The following ZBTB40 variants were observed in gnomAD, a reference collection of about 807,000 sequenced individuals.
ZBTB40 encodes the protein zinc finger and BTB domain-containing protein 40.
In ZBTB40, 60 loss-of-function variants were observed where a neutral mutation model predicts 117.5. The observed-to-expected ratio is 0.51, with a 90% confidence interval of 0.41 to 0.63. The LOEUF (loss-of-function observed/expected upper bound fraction) is 0.63. ZBTB40 is among the 30% of genes least tolerant of loss of function. ZBTB40 has a pLI of 0.00. For synonymous variants in ZBTB40, 525 were observed against 577.1 expected (o/e 0.91, Z 1.29); for missense variants, 1,287 against 1,498.5 (o/e 0.86, Z 2.33).
At chr1:22,515,090 C>G (rs966806124) in intron 12 of ZBTB40, among the ~76,000 whole-genome samples, 1 of 152,120 alleles carries the variant, frequency 6.6e-6, no homozygotes, top group Middle Eastern at 3.2e-3. Context: ...TCAGAGAAGG[C>G]CTCTGCAAGA....
intron 5 of ZBTB40, among the ~76,000 whole-genome samples, chr1:22,502,733 GGATGGACC>G (rs978088659): frequency 6.6e-6 from 1 of 152,048 alleles, no homozygotes; most frequent in African/African-American, 2.4e-5. Context: ...ACGGACGGAC[GGATGGACC>G]GATGGACAGA....
chr1:22,431,867 A>C (rs1030886467), intron 1 of ZBTB40, among the ~76,000 whole-genome samples: 152 of 152,092 alleles, frequency 1.0e-3, no homozygotes, highest in East Asian at 7.7e-4. Flanking sequence ...TGGGTAAGTA[A>C]TATGTTTACA....
At chr1:22,491,716 C>T (rs1000091543) in intron 3 of ZBTB40, among the ~76,000 whole-genome samples, 183 bp downstream of exon 3, 1 of 150,780 alleles carries the variant, frequency 6.6e-6, no homozygotes, top group Non-Finnish European at 1.5e-5. Flanking sequence ...AGGATACTTT[C>T]AAAATGACAT....
chr1:22,494,571 G>T (rs925193035), intron 3 of ZBTB40, among the ~76,000 whole-genome samples: 1 of 152,202 alleles, frequency 6.6e-6, no homozygotes, highest in African/African-American at 2.4e-5. Flanking sequence ...TACATTTTGA[G>T]AAGCATAGTT....
intron 1 of ZBTB40, among the ~76,000 whole-genome samples, chr1:22,477,604 G>A (rs1002303934): frequency 8.0e-5 from 12 of 149,652 alleles, no homozygotes; most frequent in Non-Finnish European, 1.6e-4. Context: ...AGCTGAGATC[G>A]CGCCACTGCA....
chr1:22,452,696 T>C (rs1640910320), intron 1 of ZBTB40: 1 of 152,310 alleles, frequency 6.6e-6, no homozygotes, highest in South Asian at 2.1e-4. Flanking sequence ...CACAAGGAGA[T>C]TGGATCAGTG....
At chr1:22,440,580 C>A (rs1388282621) in intron 1 of ZBTB40, among the ~76,000 whole-genome samples, 1 of 152,224 alleles carries the variant, frequency 6.6e-6, no homozygotes, top group Non-Finnish European at 1.5e-5. Context: ...TTCAGTCTTT[C>A]ACCACTGAGT....
At chr1:22,458,971 CCTT>C (rs1480022543) in intron 1 of ZBTB40, among the ~76,000 whole-genome samples, 6 of 152,050 alleles carry the variant, frequency 3.9e-5, no homozygotes, top group South Asian at 2.1e-4. Context: ...ATACCTAAAC[CCTT>C]CTTCTCTGTT....
At chr1:22,512,369 TTGTTATGA>T (rs1639263288) in intron 11 of ZBTB40, among the ~76,000 whole-genome samples, 1 of 152,166 alleles carries the variant, frequency 6.6e-6, no homozygotes, top group Admixed American at 6.5e-5. Context: ...CTCTGTTGCA[TTGTTATGA>T]AGACTTAAGG....
chr1:22,447,128 C>T (rs1253576410), upstream of ZBTB40, among the ~76,000 whole-genome samples: 1 of 151,346 alleles, frequency 6.6e-6, no homozygotes, highest in East Asian at 1.9e-4. Flanking sequence ...AGTTCTAAAT[C>T]TTGATATGGT....
intron 1 of ZBTB40, among the ~76,000 whole-genome samples, chr1:22,431,301 GA>G (rs1640581726): frequency 1.2e-5 from 1 of 81,392 alleles, no homozygotes; most frequent in African/African-American, 1.3e-4. Context: ...TGAATATATT[GA>G]ATATACAGTA....
chr1:22,495,368 T>A (rs1382743573), intron 3 of ZBTB40, among the ~76,000 whole-genome samples: 1 of 152,172 alleles, frequency 6.6e-6, no homozygotes, highest in Admixed American at 6.5e-5. Context: ...TTTATATCAG[T>A]GTAATATCCC....
chr1:22,472,849 A>T (rs1224340390), intron 1 of ZBTB40, among the ~76,000 whole-genome samples: 1 of 152,190 alleles, frequency 6.6e-6, no homozygotes, highest in East Asian at 1.9e-4. Context: ...CAACTGGCTA[A>T]AGCCTGGGGC....
At chr1:22,438,788 C>A (rs1469900930) in intron 1 of ZBTB40, among the ~76,000 whole-genome samples, 1 of 152,126 alleles carries the variant, frequency 6.6e-6, no homozygotes, top group Non-Finnish European at 1.5e-5. Context: ...TGTTGAGCAT[C>A]TTTTCATGTG....
chr1:22,508,748 C>CT lies in ZBTB40; in HGVS notation c.1699+18dup. ...TCCGGGCAGGTAAGTTACCTGCCCT[C>CT]TGGGGGGGTTTTGCCCCCACTAGAG... On this transcript the variant is annotated intron_variant, in intron 8 of 17. Coordinates refer to ENST00000375647, the MANE Select transcript of ZBTB40 (RefSeq NM_014870.4). 1 of 1,611,848 alleles carries CT rather than the reference C, an allele frequency of 6.2e-7. No homozygotes were observed. Among genetic ancestry groups the CT allele is most frequent in the Non-Finnish European group, 8.5e-7 (1 of 1,179,454 alleles).
In ZBTB40 at chr1:22,444,673, A is replaced by G. The variant is rs1184399752; in HGVS notation, c.-70+15659A>G. Among the ~76,000 whole-genome samples the G allele has an allele frequency of 2.6e-5, 4 of 152,190 alleles. No homozygotes were observed. The East Asian group carries it at 5.8e-4, about 22-fold the overall frequency. On this transcript the variant is annotated intron_variant, in intron 1 of 8. Transcript: ENST00000650433. Reference sequence around the variant, plus strand: ...TACGACTTCAGTAAACTCACTGTGCATGCTCCCCTCCCAAGTGCTGGCAGG... The same window carrying G: ...TACGACTTCAGTAAACTCACTGTGCGTGCTCCCCTCCCAAGTGCTGGCAGG...
At chr1:22,515,906 T>C (rs1351428659) in intron 12 of ZBTB40, among the ~76,000 whole-genome samples, 2 of 152,192 alleles carry the variant, frequency 1.3e-5, no homozygotes, top group African/African-American at 4.8e-5. Context: ...GACAATGAGC[T>C]ATAGTAGGGC....
intron 3 of ZBTB40, among the ~76,000 whole-genome samples, chr1:22,492,961 C>T (rs1638672918): frequency 6.6e-6 from 1 of 152,208 alleles, no homozygotes; most frequent in African/African-American, 2.4e-5. Flanking sequence ...GCTTCCTCTC[C>T]ACTTAACTTT....
chr1:22,469,927 A>G (rs980645836), intron 1 of ZBTB40, among the ~76,000 whole-genome samples: 2 of 152,106 alleles, frequency 1.3e-5, no homozygotes, highest in Non-Finnish European at 2.9e-5. Context: ...AAAGATAGTT[A>G]TTTTTTTGCT....
Sources: allele counts gnomAD v4.1 joint callset (sites outside exome capture counted in the v4.1 genomes callset), GRCh38; gene constraint gnomAD v4.1.1; transcripts MANE v1.5; gene names NCBI Gene and HGNC (gene_info 2026-07-23, HGNC 2026-07-21).